Variants in OR2B11 observed in about 807,000 individuals in gnomAD.
The protein encoded by OR2B11 is olfactory receptor family 2 subfamily B member 11.
For synonymous variants in OR2B11, 198 were observed against 174.5 expected (o/e 1.13, Z -1.06); for missense variants, 422 against 400.0 (o/e 1.05, Z -0.47).
At position 247,451,937 on chromosome 1, in the gene OR2B11, A is replaced by T; in HGVS notation, c.46T>A (p.Phe16Ile). ...HSFLGDSPKA[F>I]ILLGVSDRPW... ...CTGTCAGACACACCCAGAAGGATGAAGGCTTTAGGGGAGTCCCCTAAGAAG... is the reference window on the plus strand; with the variant it reads ...CTGTCAGACACACCCAGAAGGATGATGGCTTTAGGGGAGTCCCCTAAGAAG... The change falls in exon 2 of 2, where the codon TTC (phenylalanine) becomes ATC (isoleucine). Residue 16 changes from phenylalanine to isoleucine, a missense_variant. By Grantham distance (21) the Phe-to-Ile change is conservative. Transcript: ENST00000641149. 6.2e-7 allele frequency: 1 copy of T among 1,601,722 alleles called. No individual in the cohort carries two copies. The highest frequency in any genetic ancestry group is 1.1e-5 in the South Asian group (1 of 90,210).
At position 247,452,981 on chromosome 1, in the gene OR2B11, C is replaced by T. The variant is rs1664882244; in HGVS notation, c.-999G>A. 1 of 152,194 alleles carries T rather than the reference C, an allele frequency of 6.6e-6. No homozygotes were observed. Among genetic ancestry groups the T allele is most frequent in the Non-Finnish European group, 1.5e-5 (1 of 68,038 alleles). 9.4% of individuals were successfully genotyped at this position (152,194 alleles called of 1,614,324 possible). The stretch of plus-strand genomic sequence containing the variant: ...TTGCTGTTAGGAAGCAACTGGGTTG[C>T]CACCTGCTGATTCGTGGGTCCTTTC... On this transcript the variant is annotated 5_prime_UTR_variant, in exon 2 of 2. Coordinates refer to ENST00000641149, the MANE Select transcript of OR2B11 (RefSeq NM_001004492.2).
downstream of OR2B11, chr1:247,449,149 A>G (rs1196523219): frequency 6.6e-6 from 1 of 152,380 alleles, no homozygotes; most frequent in Non-Finnish European, 1.5e-5. Context: ...CTAAACCACT[A>G]AAGATAAATT....
intron 1 of OR2B11, among the ~76,000 whole-genome samples, chr1:247,455,338 C>A (rs188622910): frequency 1.3e-5 from 2 of 152,298 alleles, no homozygotes; most frequent in African/African-American, 4.8e-5. Flanking sequence ...TGCAGCCTCC[C>A]ATCCCACAAC....
rs892735664 is a variant in OR2B11, at chr1:247,457,810, A to G, written c.-3254T>C. On this transcript the variant is annotated 5_prime_UTR_variant, in exon 1 of 2. An upstream start codon of the reference 5' UTR is lost. Coordinates refer to ENST00000641149, the MANE Select transcript of OR2B11 (RefSeq NM_001004492.2). ...TCTGATGGGCTGCTGGGACCTTACC[A>G]TTTACTGGAACCCAACCCTCTGAGC... The G allele has an allele frequency of 6.6e-6, 1 of 152,126 alleles. No homozygotes were observed. The highest frequency in any genetic ancestry group is 1.5e-5 in the Non-Finnish European group (1 of 68,036). 9.4% of individuals were successfully genotyped at this position (152,126 alleles called of 1,614,324 possible). A position where few individuals can be genotyped will look rare whatever the true frequency, so the allele number is the denominator to read the frequency against.
rs1327986209 is a variant in OR2B11 at position 247,453,846 on chromosome 1, TTGAC to T, written c.-1868_-1865del. 2.0e-5 allele frequency: 3 copies of T among 152,304 alleles called. No individual in the cohort carries two copies. In the East Asian group the frequency reaches 5.8e-4, roughly 29 times the overall value. 9.4% of individuals were successfully genotyped at this position (152,304 alleles called of 1,614,324 possible). On this transcript the variant is annotated 5_prime_UTR_variant, in exon 2 of 2. Coordinates refer to ENST00000641149, the MANE Select transcript of OR2B11 (RefSeq NM_001004492.2). ...GCAAGGTCCATGTTTTCACCCCTAATTGACTGAGCGACTCGGGAGGACAGCTGGT... is the reference window on the plus strand; with the variant it reads ...GCAAGGTCCATGTTTTCACCCCTAATTGAGCGACTCGGGAGGACAGCTGGT...
In OR2B11 at chr1:247,454,224, C is replaced by T. The variant is rs1664913069; in HGVS notation, c.-2242G>A. ...ACACACACGCACACACACACGGTTT[C>T]TCAATGGCAAAGCTGGACACTGCCC... On this transcript the variant is annotated 5_prime_UTR_variant, in exon 2 of 2. Coordinates refer to ENST00000641149, the MANE Select transcript of OR2B11 (RefSeq NM_001004492.2). 6.6e-6 allele frequency: 1 copy of T among 152,630 alleles called. No individual in the cohort carries two copies. Among genetic ancestry groups the T allele is most frequent in the Non-Finnish European group, 1.5e-5 (1 of 68,418 alleles). 9.5% of individuals were successfully genotyped at this position (152,630 alleles called of 1,614,324 possible).
At chr1:247,457,084 G>T (rs1325631727) in intron 1 of OR2B11, among the ~76,000 whole-genome samples, 1 of 152,126 alleles carries the variant, frequency 6.6e-6, no homozygotes, top group Non-Finnish European at 1.5e-5. Flanking sequence ...GGGAGGATAC[G>T]GCTGCACAGC....
chr1:247,450,850 C>G lies in OR2B11; in HGVS notation c.*179G>C, dbSNP rs74803867. On this transcript the variant is annotated 3_prime_UTR_variant, in exon 2 of 2. Transcript: ENST00000641149. The stretch of plus-strand genomic sequence containing the variant: ...AAATATATGGCCTCTTAGAATTATA[C>G]GTTTAAAATGAACTTTGTCGCTATG... The G allele has an allele frequency of 2.3e-6, 1 of 441,510 alleles. No homozygotes were observed. Among genetic ancestry groups the G allele is most frequent in the Non-Finnish European group, 4.0e-6 (1 of 249,120 alleles). The allele number at this position is 441,510 out of a possible 1,614,324, so 27.3% of individuals were successfully genotyped here.
rs139438316 is a variant in OR2B11, at chr1:247,451,560, G to C, written c.423C>G (p.His141Gln). Reference protein sequence around the residue: ...CKPLHYAVLMHRALCQQLVAL... With the variant: ...CKPLHYAVLMQRALCQQLVAL... ...CCACGAGCTGCTGACAGAGAGCACG[G>C]TGCATGAGAACGGCATAGTGCAGGG... The change falls in exon 2 of 2, where the codon CAC (histidine) becomes CAG (glutamine). Residue 141 changes from histidine (H) to glutamine (Q), a missense_variant. By Grantham distance (24) the His-to-Gln change is conservative. Coordinates refer to ENST00000641149, the MANE Select transcript of OR2B11 (RefSeq NM_001004492.2). 6.2e-7 allele frequency: 1 copy of C among 1,613,920 alleles called. No homozygotes were observed. Among genetic ancestry groups the C allele is most frequent in the Non-Finnish European group, 8.5e-7 (1 of 1,179,940 alleles).
chr1:247,451,571 C>A lies in OR2B11; in HGVS notation c.412G>T (p.Val138Phe), dbSNP rs751801675. 6.2e-7 allele frequency: 1 copy of A among 1,613,754 alleles called. No homozygotes were observed. The highest frequency in any genetic ancestry group is 2.2e-5 in the East Asian group (1 of 44,856). Reference sequence around the variant, plus strand: ...TGACAGAGAGCACGGTGCATGAGAACGGCATAGTGCAGGGGCTTGCAGATG... The same window carrying A: ...TGACAGAGAGCACGGTGCATGAGAAAGGCATAGTGCAGGGGCTTGCAGATG... ...VAICKPLHYA[V>F]LMHRALCQQL... Residue 138 changes from valine to phenylalanine, a missense_variant, in exon 2 of 2, where the codon GTT (valine) becomes TTT (phenylalanine). Val to Phe is a conservative substitution (Grantham distance 50). Transcript: ENST00000641149.
At position 247,451,948 on chromosome 1, in the gene OR2B11, G is replaced by T. The variant is rs141655410; in HGVS notation, c.35C>A (p.Ser12Tyr). ...ACCCAGAAGGATGAAGGCTTTAGGG[G>T]AGTCCCCTAAGAAGCTATGGTTGTC... ...KSDNHSFLGD[S>Y]PKAFILLGVS... is the part of the protein sequence containing the mutation. The change falls in exon 2 of 2, where the codon TCC becomes TAC. Residue 12 changes from serine to tyrosine, a missense_variant. Coordinates refer to ENST00000641149, the MANE Select transcript of OR2B11 (RefSeq NM_001004492.2). 9 of 1,586,752 alleles carry T rather than the reference G, an allele frequency of 5.7e-6. No homozygotes were observed. In the East Asian group the frequency reaches 2.1e-4, roughly 36 times the overall value.
chr1:247,454,168 T>G lies in OR2B11; in HGVS notation c.-2186A>C, dbSNP rs534549253. On this transcript the variant is annotated 5_prime_UTR_variant, in exon 2 of 2. The change abolishes an upstream ATG in the 5' untranslated region. Coordinates refer to ENST00000641149, the MANE Select transcript of OR2B11 (RefSeq NM_001004492.2). ...ACGTACACACGTGCACACACATGCA[T>G]GCACGTGCACACGCACACACACACA... is the stretch of plus-strand genomic sequence containing the variant. 2.0e-4 allele frequency: 27 copies of G among 135,122 alleles called. No homozygotes were observed. Among genetic ancestry groups the G allele is most frequent in the African/African-American group, 7.7e-4 (27 of 34,984 alleles). 8.4% of individuals were successfully genotyped at this position (135,122 alleles called of 1,614,324 possible).
intron 1 of OR2B11, among the ~76,000 whole-genome samples, chr1:247,456,288 G>A (rs941353140): frequency 4.6e-5 from 7 of 152,164 alleles, no homozygotes. Context: ...GTAACAAACA[G>A]TTCCCCTTTA....
chr1:247,451,291 C>G lies in OR2B11; in HGVS notation c.692G>C (p.Arg231Thr). The change falls in exon 2 of 2, where the codon AGG becomes ACG. Residue 231 changes from arginine (R) to threonine (T), a missense_variant. Coordinates refer to ENST00000641149, the MANE Select transcript of OR2B11 (RefSeq NM_001004492.2). ...GTGTCGTCCCTTGGAGGACTGGATC[C>G]TGAGCACTGCCCGGGCAATAAAGCC... Reference protein sequence around the residue: ...SYGFIARAVLRIQSSKGRHKA... With the variant: ...SYGFIARAVLTIQSSKGRHKA... The G allele has an allele frequency of 6.2e-7, 1 of 1,614,110 alleles. No individual in the cohort carries two copies. The highest frequency in any genetic ancestry group is 8.5e-7 in the Non-Finnish European group (1 of 1,180,014).
Position 247,451,192 on chromosome 1 carries a change from A to G in OR2B11, c.791T>C (p.Leu264Pro). ...TTGGGAGTAGCTGGAAGGGGGCTGC[A>G]GATACATGTAAATCGCAGGTAGGTA... ...LFYLPAIYMYLQPPSSYSQEQ... is the reference protein window; with the variant it reads ...LFYLPAIYMYPQPPSSYSQEQ... Residue 264 changes from leucine (L) to proline (P), a missense_variant, in exon 2 of 2, where the codon CTG becomes CCG. Leu to Pro is a moderately conservative substitution (Grantham distance 98, BLOSUM62 -3). Transcript: ENST00000641149. 1 of 1,572,550 alleles carries G rather than the reference A, an allele frequency of 6.4e-7. No individual in the cohort carries two copies. Among genetic ancestry groups the G allele is most frequent in the Non-Finnish European group, 8.6e-7 (1 of 1,156,980 alleles).
At position 247,451,463 on chromosome 1, in the gene OR2B11, C is replaced by T. The variant is rs764642577; in HGVS notation, c.520G>A (p.Gly174Arg). Residue 174 changes from glycine to arginine, a missense_variant, in exon 2 of 2, where the codon GGG (glycine) becomes AGG (arginine). Physicochemically the swap from Gly to Arg is moderately radical, Grantham distance 125. Transcript: ENST00000641149. ...AAAAAGTTGTTCAGCACCTGCCGCCCGCAGAATGGCAATTGCACCGTCAGG... is the reference window on the plus strand; with the variant it reads ...AAAAAGTTGTTCAGCACCTGCCGCCTGCAGAATGGCAATTGCACCGTCAGG... ...VVLTVQLPFC[G>R]RQVLNNFFCE... 36 of 1,614,010 alleles carry T rather than the reference C, an allele frequency of 2.2e-5. No homozygotes were observed. Among genetic ancestry groups the T allele is most frequent in the Admixed American group, 1.7e-4 (10 of 59,998 alleles).
intron 1 of OR2B11, among the ~76,000 whole-genome samples, chr1:247,455,909 C>T (rs1664956537): frequency 1.3e-5 from 2 of 152,330 alleles, no homozygotes; most frequent in South Asian, 4.1e-4. Context: ...GTAGCTCCCA[C>T]AGTACAAAGG....
chr1:247,451,549 CAGAG>C lies in OR2B11; in HGVS notation c.430_433del (p.Leu144ValfsTer22). On this transcript the variant is annotated frameshift_variant, in exon 2 of 2. Transcript: ENST00000641149. LOFTEE classifies it low-confidence loss of function (END_TRUNC). The stretch of plus-strand genomic sequence containing the variant: ...CCAGGCCAGAGCCACGAGCTGCTGA[CAGAG>C]AGCACGGTGCATGAGAACGGCATAG... The C allele has an allele frequency of 1.2e-6, 2 of 1,614,126 alleles. No homozygotes were observed. Among genetic ancestry groups the C allele is most frequent in the Non-Finnish European group, 1.7e-6 (2 of 1,179,984 alleles).
At chr1:247,457,056 A>G (rs543777557) in intron 1 of OR2B11, among the ~76,000 whole-genome samples, 31 of 152,284 alleles carry the variant, frequency 2.0e-4, no homozygotes, top group Non-Finnish European at 4.4e-5. Flanking sequence ...GGGACCCAGC[A>G]GTGATGGGCC....
Sources: gnomAD v4.1 joint callset for allele counts (sites outside exome capture counted in the v4.1 genomes callset) on GRCh38, gnomAD v4.1.1 for gene constraint, MANE v1.5 for transcripts, NCBI Gene and HGNC (gene_info 2026-07-23, HGNC 2026-07-21) for gene names.